Variants in CNNM1 observed in about 807,000 individuals in gnomAD.
CNNM1 encodes the protein metal transporter CNNM1.
In CNNM1, 44 loss-of-function variants were observed where a neutral mutation model predicts 78.8. That is an observed-to-expected ratio of 0.56 (90% CI 0.44 to 0.72). The LOEUF is 0.72. Among genes scored for constraint, CNNM1 ranks in the 30% least tolerant of loss-of-function variants. The probability of loss-of-function intolerance (pLI) is 0.00; values close to 1 mark genes in which losing one functional copy is unlikely to be tolerated. For synonymous variants in CNNM1, 584 were observed against 581.5 expected (o/e 1.00, Z -0.06); for missense variants, 1,101 against 1,292.2 (o/e 0.85, Z 2.27).
chr10:99,343,436 T>A (rs2030543701), intron 1 of CNNM1, among the ~76,000 whole-genome samples: 1 of 152,176 alleles, frequency 6.6e-6, no homozygotes, highest in African/African-American at 2.4e-5. Context: ...GTTTAGTAAT[T>A]CATTGTGTGC....
At chr10:99,385,197 G>A (rs1346261354) in intron 7 of CNNM1, among the ~76,000 whole-genome samples, 1 of 152,102 alleles carries the variant, frequency 6.6e-6, no homozygotes, top group Admixed American at 6.6e-5. Context: ...CCTGGGGGAC[G>A]CAGCCAGTCT....
At chr10:99,371,053 AC>A (rs2031785720) in intron 6 of CNNM1, among the ~76,000 whole-genome samples, 1 of 152,198 alleles carries the variant, frequency 6.6e-6, no homozygotes, top group South Asian at 2.1e-4. Context: ...CCTGCTCTCC[AC>A]CTACTGCCTG....
At chr10:99,349,368 T>C (rs1379191713) in intron 1 of CNNM1, among the ~76,000 whole-genome samples, 1 of 151,548 alleles carries the variant, frequency 6.6e-6, no homozygotes, top group Non-Finnish European at 1.5e-5. Flanking sequence ...GAATCACGAG[T>C]CGGAGTCTTT....
chr10:99,340,323 G>A (rs1210594741), intron 1 of CNNM1, among the ~76,000 whole-genome samples: 1 of 152,124 alleles, frequency 6.6e-6, no homozygotes, highest in African/African-American at 2.4e-5. Flanking sequence ...TTCAGATTTA[G>A]TTATCTTTCC....
At chr10:99,388,103 C>A (rs764972760) in intron 8 of CNNM1, 49 bp from the exon 9 acceptor site, 1 of 1,609,210 alleles carries the variant, frequency 6.2e-7, no homozygotes, top group South Asian at 1.1e-5. Context: ...CACCTGAGCC[C>A]TGGGTCTTCT....
intron 1 of CNNM1, among the ~76,000 whole-genome samples, chr10:99,337,922 A>G (rs1172765325): frequency 6.6e-6 from 1 of 152,248 alleles, no homozygotes; most frequent in African/African-American, 2.4e-5. Flanking sequence ...TGTTAGTGTT[A>G]GAAGAAAAGT....
At chr10:99,367,251 A>G (rs1393249527) in intron 6 of CNNM1, among the ~76,000 whole-genome samples, 1 of 152,172 alleles carries the variant, frequency 6.6e-6, no homozygotes, top group Non-Finnish European at 1.5e-5. Context: ...GTCTTGGCCC[A>G]GCCCCGTCCC....
At chr10:99,355,741 C>T (rs549999127) in intron 1 of CNNM1, among the ~76,000 whole-genome samples, 1 of 152,194 alleles carries the variant, frequency 6.6e-6, no homozygotes, top group Admixed American at 6.5e-5. Flanking sequence ...CCAATCTGTG[C>T]CTCAGTTCTG....
chr10:99,330,719 A>G lies in CNNM1; in HGVS notation c.1332A>G (p.Ser444=). Residue 444 remains serine (S), a synonymous_variant, in exon 1 of 11, where the codon TCA becomes TCG. Transcript: ENST00000356713. ...TGGGAGACTGCTTCATGCTGCGCTC[A>G]GACGCGGTGCTCGACTTCGCCACTG... ...TPLGDCFMLR[S]DAVLDFATVS... is the part of the protein sequence containing the mutation. 6.2e-7 allele frequency: 1 copy of G among 1,614,038 alleles called. No individual in the cohort carries two copies. The highest frequency in any genetic ancestry group is 8.5e-7 in the Non-Finnish European group (1 of 1,179,894).
At chr10:99,358,430 C>T (rs1404328048) in intron 2 of CNNM1, among the ~76,000 whole-genome samples, 1 of 152,186 alleles carries the variant, frequency 6.6e-6, no homozygotes, top group Non-Finnish European at 1.5e-5. Context: ...AGTGTTTCCT[C>T]CTGAGAATTT....
intron 1 of CNNM1, among the ~76,000 whole-genome samples, chr10:99,335,819 G>T: frequency 6.6e-6 from 1 of 152,176 alleles, no homozygotes; most frequent in East Asian, 1.9e-4. Flanking sequence ...TTTCTGGTGA[G>T]GACGTTCTTC....
At position 99,388,286 on chromosome 10, in the gene CNNM1, G is replaced by C. The variant is rs763795037; in HGVS notation, c.2659G>C (p.Val887Leu). Residue 887 changes from valine to leucine, a missense_variant, in exon 9 of 11, where the codon GTT (valine) becomes CTT (leucine). Physicochemically the swap from Val to Leu is conservative, Grantham distance 32. Transcript: ENST00000356713. The part of the protein sequence containing the change: ...TQQLTLSPAA[V>L]PTRAASDSEC... ...GCAGCTCACGCTGTCTCCTGCAGCC[G>C]TTCCCACGAGAGCAGGTCAGGGAGG... The C allele has an allele frequency of 1.9e-6, 3 of 1,613,580 alleles. No individual in the cohort carries two copies. The highest frequency in any genetic ancestry group is 1.7e-6 in the Non-Finnish European group (2 of 1,179,780).
intron 2 of CNNM1, 124 bp from the exon 3 acceptor site, chr10:99,360,711 A>G (rs2031399287): frequency 4.8e-6 from 6 of 1,243,542 alleles, no homozygotes; most frequent in Non-Finnish European, 5.5e-6. Flanking sequence ...CCTGGGTGAT[A>G]TTGTGATGTC....
chr10:99,334,154 G>T (rs963753031), intron 1 of CNNM1, among the ~76,000 whole-genome samples: 3 of 152,194 alleles, frequency 2.0e-5, no homozygotes, highest in African/African-American at 7.2e-5. Context: ...TAACATTAAA[G>T]TTTGAGAAGC....
At chr10:99,359,811 A>G (rs192432459) in intron 2 of CNNM1, among the ~76,000 whole-genome samples, 41 of 151,948 alleles carry the variant, frequency 2.7e-4, no homozygotes, top group African/African-American at 9.4e-4. Context: ...GAAAACCCAA[A>G]TCCCTCTCCC....
chr10:99,392,521 G>C lies in CNNM1; in HGVS notation c.*1005G>C, dbSNP rs561712046. 6.5e-6 allele frequency: 1 copy of C among 152,676 alleles called. No homozygotes were observed. Among genetic ancestry groups the C allele is most frequent in the African/African-American group, 2.4e-5 (1 of 41,536 alleles). The allele number at this position is 152,676 out of a possible 1,614,324, so 9.5% of individuals were successfully genotyped here. Reference sequence around the variant, plus strand: ...AATCATTCTTCTTTTTCATGCATTTGTCCTTCTCCCACCCCCTTACTACAC... The same window carrying C: ...AATCATTCTTCTTTTTCATGCATTTCTCCTTCTCCCACCCCCTTACTACAC... On this transcript the variant is annotated 3_prime_UTR_variant, in exon 11 of 11. Coordinates refer to ENST00000356713, the MANE Select transcript of CNNM1 (RefSeq NM_020348.3).
At chr10:99,362,459 G>A (rs1441336704) in intron 4 of CNNM1, 63 bp downstream of exon 4, 1 of 1,521,762 alleles carries the variant, frequency 6.6e-7, no homozygotes, top group Non-Finnish European at 8.9e-7. Context: ...GTGAAGAAAT[G>A]GCCATGCCTC....
chr10:99,378,998 G>A (rs1299347993), intron 7 of CNNM1, among the ~76,000 whole-genome samples: 1 of 152,212 alleles, frequency 6.6e-6, no homozygotes, highest in Non-Finnish European at 1.5e-5. Flanking sequence ...CATAGCCCAC[G>A]ATTCTGCTCC....
intron 7 of CNNM1, 89 bp from the exon 8 acceptor site, chr10:99,387,731 A>G: frequency 7.4e-7 from 1 of 1,347,446 alleles, no homozygotes; most frequent in Non-Finnish European, 1.0e-6. Flanking sequence ...CAAGCACCCC[A>G]GCGAGGCTGC....
Sources: gnomAD v4.1 joint callset for allele counts (sites outside exome capture counted in the v4.1 genomes callset) on GRCh38, gnomAD v4.1.1 for gene constraint, MANE v1.5 for transcripts, NCBI Gene and HGNC (gene_info 2026-07-23, HGNC 2026-07-21) for gene names.